Variants in ZNF346 observed in about 807,000 individuals in gnomAD.
The protein encoded by ZNF346 is double-stranded RNA-binding zinc finger protein JAZ.
A neutral mutation model predicts 33.7 loss-of-function variants in ZNF346; 23 were observed. The observed-to-expected ratio is 0.68, with a 90% CI of 0.49 to 0.97. The LOEUF (loss-of-function observed/expected upper bound fraction) is 0.97. Among genes scored for constraint, ZNF346 ranks in the 50% least tolerant of loss-of-function variants. The pLI is 0.00. For synonymous variants in ZNF346, 134 were observed against 142.4 expected, an observed-to-expected ratio of 0.94 and a Z score of 0.42; for missense variants, 340 against 371.1, an observed-to-expected ratio of 0.92 and a Z score of 0.69.
intron 8 of ZNF346, among the ~76,000 whole-genome samples, chr5:177,076,956 G>A (rs1287959589): frequency 1.3e-5 from 2 of 152,102 alleles, no homozygotes; most frequent in African/African-American, 2.4e-5. Context: ...CTGGAGAATC[G>A]CTTGAACCCA....
downstream of ZNF346, among the ~76,000 whole-genome samples, chr5:177,070,699 C>A (rs1407457256): frequency 1.3e-5 from 2 of 152,152 alleles, no homozygotes; most frequent in Non-Finnish European, 2.9e-5. Context: ...AGCCCTGAGT[C>A]CCCCTGGAGC....
At position 177,041,014 on chromosome 5, in the gene ZNF346, G is replaced by A. The variant is rs942336404; in HGVS notation, c.176-112G>A. The A allele has an allele frequency of 3.8e-5, 31 of 810,248 alleles. 1 individual carries two copies. Among genetic ancestry groups the A allele is most frequent in the Non-Finnish European group, 6.1e-5 (29 of 473,216 alleles). 50.2% of individuals were successfully genotyped at this position (810,248 alleles called of 1,614,324 possible). ...GAAAGGCTGGCTGAGGTCTGCCAGT[G>A]TCCTAGTATGGCATCCCATCATTCA... On this transcript the variant is annotated intron_variant, in intron 1 of 6. Coordinates refer to ENST00000358149, the MANE Select transcript of ZNF346 (RefSeq NM_012279.4).
intron 3 of ZNF346, 186 bp downstream of exon 3, chr5:177,042,056 C>G: frequency 2.0e-6 from 1 of 491,180 alleles, no homozygotes; most frequent in East Asian, 3.1e-5. Flanking sequence ...TATCAACTAC[C>G]TTTCAGGATT....
chr5:177,023,651 G>T (rs1776237329), intron 1 of ZNF346, among the ~76,000 whole-genome samples: 1 of 152,170 alleles, frequency 6.6e-6, no homozygotes, highest in South Asian at 2.1e-4. Context: ...GAAAGAGAAG[G>T]ATGGAAAAGA....
chr5:177,038,876 T>TTGTGTGTGTGTGTG lies in ZNF346; in HGVS notation c.176-2224_176-2211dup, dbSNP rs56812954. Among the ~76,000 whole-genome samples the TTGTGTGTGTGTGTG allele has an allele frequency of 1.6e-3, 214 of 135,436 alleles. 4 individuals are homozygous for TTGTGTGTGTGTGTG. Among genetic ancestry groups the TTGTGTGTGTGTGTG allele is most frequent in the African/African-American group, 5.6e-3 (201 of 35,582 alleles). The allele number at this position is 135,436 out of a possible 152,430, so 88.9% of individuals were successfully genotyped here. ...TTTTTCTTCTTTTTTCTTCTTCTTC[T>TTGTGTGTGTGTGTG]TGTGTGTGTGTGTGTGTGTGTGTGT... On this transcript the variant is annotated intron_variant, in intron 1 of 6. Transcript: ENST00000358149.
intron 1 of ZNF346, among the ~76,000 whole-genome samples, chr5:177,036,102 T>C (rs1778470835): frequency 6.6e-6 from 1 of 152,060 alleles, no homozygotes; most frequent in African/African-American, 2.4e-5. Context: ...AGATGGTGGC[T>C]CAAGTTGAAA....
intron 1 of ZNF346, among the ~76,000 whole-genome samples, chr5:177,031,568 A>G (rs1054216273): frequency 2.0e-5 from 3 of 152,124 alleles, no homozygotes; most frequent in Admixed American, 1.3e-4. Context: ...TGATGTGTCT[A>G]GGTGTAGCTC....
chr5:177,061,370 G>A (rs776105459), intron 5 of ZNF346, among the ~76,000 whole-genome samples: 5 of 152,022 alleles, frequency 3.3e-5, no homozygotes, highest in Non-Finnish European at 5.9e-5. Context: ...CCTCGAACCC[G>A]GGAGGCACAG....
At chr5:177,028,714 T>A (rs866783446) in intron 1 of ZNF346, among the ~76,000 whole-genome samples, 2 of 115,206 alleles carry the variant, frequency 1.7e-5, no homozygotes, top group African/African-American at 7.2e-5. Flanking sequence ...TTTCTTTTTT[T>A]TTTTTTTTTT....
At chr5:177,033,069 A>AT (rs1581806654) in intron 1 of ZNF346, among the ~76,000 whole-genome samples, 1 of 151,934 alleles carries the variant, frequency 6.6e-6, no homozygotes, top group Non-Finnish European at 1.5e-5. Context: ...CTTTCCTATG[A>AT]TTGTTTGAGG....
chr5:177,025,976 A>G (rs914770091), intron 1 of ZNF346, among the ~76,000 whole-genome samples: 2 of 138,440 alleles, frequency 1.4e-5, no homozygotes, highest in African/African-American at 5.3e-5. Context: ...TCTCTTGTAG[A>G]TCTTCCTTAT....
intron 2 of ZNF346, 80 bp downstream of exon 2, chr5:177,041,309 A>G: frequency 1.6e-6 from 2 of 1,218,334 alleles, no homozygotes; most frequent in Admixed American, 1.7e-5. Flanking sequence ...TTGCATGGTG[A>G]AGTGTAATTG....
At chr5:177,036,305 G>A (rs1778501853) in intron 1 of ZNF346, among the ~76,000 whole-genome samples, 1 of 152,104 alleles carries the variant, frequency 6.6e-6, no homozygotes, top group South Asian at 2.1e-4. Context: ...GGTGGGCAAA[G>A]GCTTTAAAAG....
rs1369532691 is a variant in ZNF346 at position 177,065,228 on chromosome 5, C to T, written c.*629C>T. 6.5e-6 allele frequency: 1 copy of T among 153,604 alleles called. No individual in the cohort carries two copies. The highest frequency in any genetic ancestry group is 2.4e-5 in the African/African-American group (1 of 41,444). 9.5% of individuals were successfully genotyped at this position (153,604 alleles called of 1,614,324 possible). A position where few individuals can be genotyped will look rare whatever the true frequency, so the allele number is the denominator to read the frequency against. On this transcript the variant is annotated 3_prime_UTR_variant, in exon 7 of 7. Coordinates refer to ENST00000358149, the MANE Select transcript of ZNF346 (RefSeq NM_012279.4). ...GCATTGCTACCCCCGCTGCCCCCTC[C>T]ACAGTTCCTGAATGGTGCTAAGGAT...
At chr5:177,040,180 CAA>C (rs544181183) in intron 1 of ZNF346, among the ~76,000 whole-genome samples, 2 of 121,746 alleles carry the variant, frequency 1.6e-5, no homozygotes. Flanking sequence ...GACTCCCTCT[CAA>C]AAAAAAAAAA....
At chr5:177,040,783 C>T (rs996241765) in intron 1 of ZNF346, among the ~76,000 whole-genome samples, 8 of 152,222 alleles carry the variant, frequency 5.3e-5, no homozygotes, top group African/African-American at 9.6e-5. Context: ...AACCTCTCAG[C>T]ACAGTTGCTG....
intron 1 of ZNF346, among the ~76,000 whole-genome samples, chr5:177,036,834 T>C (rs1484548387): frequency 6.6e-6 from 1 of 152,174 alleles, no homozygotes; most frequent in African/African-American, 2.4e-5. Context: ...CAGGAAGGGC[T>C]GAGAGCAGCC....
chr5:177,037,784 CA>C (rs1778710008), intron 1 of ZNF346, among the ~76,000 whole-genome samples: 3 of 152,164 alleles, frequency 2.0e-5, no homozygotes. Context: ...GTAATCTTTT[CA>C]AGGGCAAACC....
intron 1 of ZNF346, among the ~76,000 whole-genome samples, chr5:177,034,754 C>T (rs1013776081): frequency 6.6e-6 from 1 of 152,222 alleles, no homozygotes; most frequent in Non-Finnish European, 1.5e-5. Context: ...AAAGACCATA[C>T]TTCTGTGCCT....
Sources: allele counts gnomAD v4.1 joint callset (sites outside exome capture counted in the v4.1 genomes callset), GRCh38; gene constraint gnomAD v4.1.1; transcripts MANE v1.5; gene names NCBI Gene and HGNC (gene_info 2026-07-23, HGNC 2026-07-21).